Variants in ASRGL1 observed in about 807,000 individuals in gnomAD.
The protein encoded by ASRGL1 is isoaspartyl peptidase/L-asparaginase.
ASRGL1 carries 16 observed loss-of-function variants against 22.4 expected under a neutral mutation model. The ratio of observed to expected loss-of-function variants is 0.71; its 90% CI spans 0.48 to 1.08. The LOEUF (loss-of-function observed/expected upper bound fraction) is 1.08. Ranked by LOEUF, ASRGL1 falls within the 50% of genes least tolerant of loss-of-function variation. The pLI is 0.00. For synonymous variants in ASRGL1, 165 were observed against 159.3 expected, an observed-to-expected ratio of 1.04 and a Z score of -0.27; for missense variants, 412 against 410.1, an observed-to-expected ratio of 1.00 and a Z score of -0.04.
At chr11:62,385,885 C>T (rs532097857) in intron 4 of ASRGL1, among the ~76,000 whole-genome samples, 3 of 151,012 alleles carry the variant, frequency 2.0e-5, no homozygotes, top group Non-Finnish European at 2.9e-5. Flanking sequence ...TAAAATAGGC[C>T]GGGTGCAGTG....
At chr11:62,390,809 T>G (rs1358993250) in intron 5 of ASRGL1, among the ~76,000 whole-genome samples, 2 of 152,140 alleles carry the variant, frequency 1.3e-5, no homozygotes, top group Non-Finnish European at 2.9e-5. Context: ...GTAAGGCAAA[T>G]GTCAATCTTC....
chr11:62,371,883 G>A (rs1946777190), intron 4 of ASRGL1: 1 of 554,672 alleles, frequency 1.8e-6, no homozygotes, highest in Non-Finnish European at 3.2e-6. Context: ...GAACCCGGGA[G>A]GCGGAGCTTG....
At chr11:62,359,083 A>AGT (rs1322782308) in intron 4 of ASRGL1, among the ~76,000 whole-genome samples, 3 of 152,140 alleles carry the variant, frequency 2.0e-5, no homozygotes, top group African/African-American at 7.2e-5. Context: ...GAGTTAGTGT[A>AGT]GTGTCTGTAG....
rs746450661 is a variant in ASRGL1 at position 62,356,343 on chromosome 11, A to G, written c.209A>G (p.Asn70Ser). The change falls in exon 3 of 7, where the codon AAC becomes AGC. Residue 70 changes from asparagine (N) to serine (S), a missense_variant. Transcript: ENST00000415229. Reference sequence around the variant, plus strand: ...GTTTTAGGTTGTGGGTCTGTCTTGAACACAAATGGTGAGGTTGAAATGGAT... The same window carrying G: ...GTTTTAGGTTGTGGGTCTGTCTTGAGCACAAATGGTGAGGTTGAAATGGAT... ...EFNAGCGSVL[N>S]TNGEVEMDAS... 2 of 1,614,206 alleles carry G rather than the reference A, an allele frequency of 1.2e-6. No homozygotes were observed. Among genetic ancestry groups the G allele is most frequent in the Non-Finnish European group, 1.7e-6 (2 of 1,180,020 alleles).
At chr11:62,397,742 C>T (rs1349271037), downstream of ASRGL1, among the ~76,000 whole-genome samples, 2 of 151,002 alleles carry the variant, frequency 1.3e-5, no homozygotes, top group Admixed American at 1.3e-4. Flanking sequence ...ACTGTATATT[C>T]TTGCAGATCT....
At chr11:62,372,257 C>T in intron 4 of ASRGL1, 2 of 1,585,472 alleles carry the variant, frequency 1.3e-6, no homozygotes, top group Non-Finnish European at 1.7e-6. Context: ...ACACCTTGGC[C>T]TTGACGGAAA....
At chr11:62,352,320 T>C (rs1284447179) in intron 2 of ASRGL1, among the ~76,000 whole-genome samples, 7 of 152,162 alleles carry the variant, frequency 4.6e-5, no homozygotes, top group Admixed American at 4.6e-4. Flanking sequence ...GCACGGTGGC[T>C]CACGCCTGTA....
Position 62,350,335 on chromosome 11 carries a change from C to T in ASRGL1, c.191-5990C>T, listed in dbSNP as rs11604863. On this transcript the variant is annotated intron_variant, in intron 2 of 6. Coordinates refer to ENST00000415229, the MANE Select transcript of ASRGL1 (RefSeq NM_001083926.2). The stretch of plus-strand genomic sequence containing the variant: ...ACCACAGTTTATTTAAACATTCACC[C>T]GGGAAAGGATATTTTGGTTGTTTCT... 8.4e-3 allele frequency among the ~76,000 whole-genome samples: 1,283 copies of T among 152,182 alleles called. 12 individuals are homozygous for T. The highest frequency in any genetic ancestry group is 0.013 in the Non-Finnish European group (864 of 68,014).
intron 4 of ASRGL1, among the ~76,000 whole-genome samples, chr11:62,376,414 G>A (rs2134671004): frequency 6.6e-6 from 1 of 152,190 alleles, no homozygotes; most frequent in African/African-American, 2.4e-5. Context: ...ACAGGAAGCT[G>A]ATTTTCTCCT....
chr11:62,355,188 A>G lies in ASRGL1; in HGVS notation c.191-1137A>G, dbSNP rs572889389. 4.6e-5 allele frequency among the ~76,000 whole-genome samples: 7 copies of G among 152,140 alleles called. No homozygotes were observed. In the South Asian group the frequency reaches 1.5e-3, roughly 32 times the overall value. On this transcript the variant is annotated intron_variant, in intron 2 of 6. Coordinates refer to ENST00000415229, the MANE Select transcript of ASRGL1 (RefSeq NM_001083926.2). Reference sequence around the variant, plus strand: ...CTCGGCCTCCCAAAGTGCTGGGATTACAGGCGTGAGCCACCACACACAGCC... The same window carrying G: ...CTCGGCCTCCCAAAGTGCTGGGATTGCAGGCGTGAGCCACCACACACAGCC...
chr11:62,348,670 T>C (rs990921120), intron 2 of ASRGL1, among the ~76,000 whole-genome samples: 4 of 151,176 alleles, frequency 2.6e-5, no homozygotes, highest in Non-Finnish European at 5.9e-5. Context: ...GCCACTGCAC[T>C]CCAGCCTGGG....
chr11:62,386,455 C>CATATCATACATATCATAGATATGTAA (rs1257935082), intron 4 of ASRGL1, among the ~76,000 whole-genome samples: 1 of 151,964 alleles, frequency 6.6e-6, no homozygotes, highest in Non-Finnish European at 1.5e-5. Context: ...TAGATATGTA[C>CATATCATACATATCATAGATATGTAA]ATATCATACA....
intron 4 of ASRGL1, among the ~76,000 whole-genome samples, chr11:62,369,466 T>C (rs989499030): frequency 6.6e-6 from 1 of 152,170 alleles, no homozygotes; most frequent in Non-Finnish European, 1.5e-5. Context: ...CCTTTTCTTT[T>C]TGACAAAACT....
chr11:62,392,205 T>C lies in ASRGL1; in HGVS notation c.848T>C (p.Met283Thr), dbSNP rs1305428944. Residue 283 changes from methionine (M) to threonine (T), a missense_variant, in exon 7 of 7, where the codon ATG becomes ACG. Physicochemically the swap from Met to Thr is moderately conservative, Grantham distance 81. Coordinates refer to ENST00000415229, the MANE Select transcript of ASRGL1 (RefSeq NM_001083926.2). ...GTGGCAAAGTGGACCTCCACCTCCA[T>C]GCCCTGGGCAGCCGCCAAGGACGGC... The part of the protein sequence containing the change: ...DWVAKWTSTS[M>T]PWAAAKDGKL... The C allele has an allele frequency of 1.2e-6, 2 of 1,614,224 alleles. No homozygotes were observed. The highest frequency in any genetic ancestry group is 8.5e-7 in the Non-Finnish European group (1 of 1,180,032).
At chr11:62,370,030 A>G (rs1255809378) in intron 4 of ASRGL1, among the ~76,000 whole-genome samples, 1 of 152,156 alleles carries the variant, frequency 6.6e-6, no homozygotes, top group African/African-American at 2.4e-5. Flanking sequence ...AGAAGAGTAC[A>G]ATGCAACTCC....
chr11:62,385,102 G>C (rs932294950), intron 4 of ASRGL1, among the ~76,000 whole-genome samples: 1 of 150,768 alleles, frequency 6.6e-6, no homozygotes, highest in African/African-American at 2.4e-5. Context: ...AAATGTTAGA[G>C]GTGGGCCTGC....
chr11:62,387,396 C>T (rs1947241024), intron 4 of ASRGL1, among the ~76,000 whole-genome samples: 1 of 152,286 alleles, frequency 6.6e-6, no homozygotes, highest in East Asian at 1.9e-4. Flanking sequence ...GCCATGACAG[C>T]AGGCATACAT....
chr11:62,337,974 C>T lies in ASRGL1; in HGVS notation c.-4C>T, dbSNP rs1328377907. The T allele has an allele frequency of 5.0e-6, 8 of 1,592,224 alleles. No individual in the cohort carries two copies. The highest frequency in any genetic ancestry group is 6.8e-6 in the Non-Finnish European group (8 of 1,169,590). ...CGCCTTCCTGCTGCCTAGGATCCGC[C>T]GACATGAATCCCATCGTAGTGGTCC... On this transcript the variant is annotated 5_prime_UTR_variant, in exon 2 of 7. Transcript: ENST00000415229.
intron 4 of ASRGL1, among the ~76,000 whole-genome samples, chr11:62,378,549 G>A (rs1029715900): frequency 3.9e-5 from 6 of 152,134 alleles, no homozygotes; most frequent in African/African-American, 1.4e-4. Flanking sequence ...TAAAAAAGCA[G>A]TCCTTCAGAT....
Sources: gnomAD v4.1 joint callset for allele counts (sites outside exome capture counted in the v4.1 genomes callset) on GRCh38, gnomAD v4.1.1 for gene constraint, MANE v1.5 for transcripts, NCBI Gene and HGNC (gene_info 2026-07-23, HGNC 2026-07-21) for gene names.